ZFHX3: variants seen among roughly 807,000 people sequenced by gnomAD.
The protein encoded by ZFHX3 is zinc finger homeobox protein 3.
Under a neutral mutation model 279.1 loss-of-function variants are expected in ZFHX3, and 42 were observed. The observed-to-expected ratio is 0.15, with a 90% CI of 0.12 to 0.19. ZFHX3 has a LOEUF of 0.19. Ranked by LOEUF, ZFHX3 falls within the 10% of genes least tolerant of loss-of-function variation. ZFHX3 has a pLI of 1.00. For missense variants in ZFHX3, 4,981 were observed against 4,754.0 expected (o/e 1.05, Z -1.40); for synonymous variants, 2,293 against 1,957.8 (o/e 1.17, Z -4.52).
At chr16:73,803,380 G>A (rs539495198) in intron 1 of ZFHX3, among the ~76,000 whole-genome samples, 158 of 152,258 alleles carry the variant, frequency 1.0e-3, no homozygotes, top group Non-Finnish European at 1.2e-3. Flanking sequence ...AATAGCTAGC[G>A]CTGGGGATAA....
intron 1 of ZFHX3, among the ~76,000 whole-genome samples, chr16:73,885,416 G>C (rs56231765): frequency 6.6e-6 from 1 of 152,164 alleles, no homozygotes; most frequent in Non-Finnish European, 1.5e-5. Flanking sequence ...GGATGGCTGA[G>C]CTTATCCCAG....
intron 3 of ZFHX3, among the ~76,000 whole-genome samples, chr16:72,933,813 C>CT (rs71391468): frequency 0.09 from 10,078 of 111,620 alleles, 1,065 homozygotes; most frequent in Non-Finnish European, 0.14. Context: ...TCACAACTTT[C>CT]TTTTTTTTTT....
At chr16:73,835,101 C>A (rs1033515681) in intron 1 of ZFHX3, among the ~76,000 whole-genome samples, 1 of 152,084 alleles carries the variant, frequency 6.6e-6, no homozygotes, top group Non-Finnish European at 1.5e-5. Flanking sequence ...CCCCAGCTAC[C>A]AAAAACAAAG....
At chr16:73,784,804 T>TACACACACAC (rs1567409719) in intron 1 of ZFHX3, among the ~76,000 whole-genome samples, 8 of 125,528 alleles carry the variant, frequency 6.4e-5, no homozygotes, top group African/African-American at 2.1e-4. Context: ...AAAATATATA[T>TACACACACAC]ATATATATAT....
exon 8 of ZFHX3, chr16:73,093,408 T>G: frequency 2.2e-6 from 1 of 459,580 alleles, no homozygotes; most frequent in Non-Finnish European, 4.4e-6. Flanking sequence ...GAACCACAGC[T>G]GATCACTTTG....
chr16:73,837,499 A>G (rs1961173722), intron 1 of ZFHX3, among the ~76,000 whole-genome samples: 1 of 152,220 alleles, frequency 6.6e-6, no homozygotes, highest in South Asian at 2.1e-4. Flanking sequence ...GCCTTTTCAA[A>G]CCTATTCAAC....
chr16:73,415,706 C>T (rs1043352382), intron 3 of ZFHX3, among the ~76,000 whole-genome samples: 4 of 152,308 alleles, frequency 2.6e-5, no homozygotes, highest in Non-Finnish European at 5.9e-5. Context: ...GCCCCATGTT[C>T]GTTCATCTCA....
chr16:72,788,576 C>T lies in ZFHX3; in HGVS notation c.9700G>A (p.Asp3234Asn), dbSNP rs2035560099. ...TCCTTTACTTTCTCACTGTCTTTGT[C>T]CTTGCGTTGCTGCTGCTGTTGCAGT... ...LPLQQQQQRKDKDSEKVKEKE... is the reference protein window; with the variant it reads ...LPLQQQQQRKNKDSEKVKEKE... Residue 3234 changes from aspartate to asparagine, a missense_variant, in exon 10 of 10, where the codon GAC becomes AAC. Around this residue, in one of 7 missense-constraint regions of ZFHX3, gnomAD observed 1,034 missense variants for 786.0 expected, o/e 1.32. Transcript: ENST00000268489. The T allele has an allele frequency of 6.2e-7, 1 of 1,613,984 alleles. No homozygotes were observed. The highest frequency in any genetic ancestry group is 8.5e-7 in the Non-Finnish European group (1 of 1,180,000).
chr16:72,844,318 A>C (rs1252971868), intron 4 of ZFHX3, among the ~76,000 whole-genome samples: 1 of 152,138 alleles, frequency 6.6e-6, no homozygotes, highest in African/African-American at 2.4e-5. Flanking sequence ...CCTCGCTCCA[A>C]ATAATCTAAA....
At chr16:73,846,058 C>G (rs909889701) in intron 1 of ZFHX3, among the ~76,000 whole-genome samples, 1 of 152,142 alleles carries the variant, frequency 6.6e-6, no homozygotes, top group Admixed American at 6.5e-5. Context: ...ATAGGCCTCC[C>G]AAGTGCTGGG....
At chr16:73,202,069 C>T (rs1348401016) in intron 5 of ZFHX3, among the ~76,000 whole-genome samples, 6 of 152,120 alleles carry the variant, frequency 3.9e-5, no homozygotes, top group African/African-American at 7.2e-5. Context: ...GACTCACAAT[C>T]ATTTTCTTAA....
chr16:73,594,958 C>T (rs937832551), intron 2 of ZFHX3, among the ~76,000 whole-genome samples: 4 of 152,074 alleles, frequency 2.6e-5, no homozygotes, highest in Non-Finnish European at 5.9e-5. Context: ...AGGTATGGCC[C>T]CACAATTCCA....
chr16:72,948,614 C>A (rs190863644), intron 3 of ZFHX3, among the ~76,000 whole-genome samples: 84 of 152,206 alleles, frequency 5.5e-4, no homozygotes, highest in African/African-American at 1.9e-3. Flanking sequence ...TCCAGCCGCA[C>A]GGAGGATGCA....
chr16:73,870,746 G>A (rs531437514), intron 1 of ZFHX3, among the ~76,000 whole-genome samples: 7 of 152,128 alleles, frequency 4.6e-5, no homozygotes, highest in Non-Finnish European at 8.8e-5. Context: ...TGTGGGGCCC[G>A]GCGGGCAGCA....
chr16:73,025,620 C>A (rs550797138), intron 1 of ZFHX3, among the ~76,000 whole-genome samples: 1 of 152,260 alleles, frequency 6.6e-6, no homozygotes, highest in Admixed American at 6.5e-5. Context: ...CTCCTTATCC[C>A]TCCCCCAGGC....
intron 1 of ZFHX3, among the ~76,000 whole-genome samples, chr16:73,686,734 T>C (rs1419596121): frequency 1.3e-5 from 2 of 152,062 alleles, no homozygotes; most frequent in African/African-American, 2.4e-5. Flanking sequence ...CAGTCAGGCC[T>C]AGACTTGTGT....
intron 1 of ZFHX3, among the ~76,000 whole-genome samples, chr16:73,857,941 C>G (rs889356023): frequency 1.4e-4 from 21 of 151,870 alleles, no homozygotes; most frequent in African/African-American, 4.6e-4. Context: ...ACCGAAGATA[C>G]AAAAATTAGC....
chr16:73,651,570 G>T (rs1336563450), intron 2 of ZFHX3, among the ~76,000 whole-genome samples: 1 of 151,294 alleles, frequency 6.6e-6, no homozygotes, highest in Admixed American at 6.6e-5. Flanking sequence ...GGGCACGGTG[G>T]CTCACGCCTG....
chr16:73,635,163 CAA>C (rs922946110), intron 2 of ZFHX3, among the ~76,000 whole-genome samples: 1 of 152,056 alleles, frequency 6.6e-6, no homozygotes, highest in Non-Finnish European at 1.5e-5. Flanking sequence ...GTAATCTTGT[CAA>C]AGTTTCTTCA....
Sources: allele counts gnomAD v4.1 joint callset (sites outside exome capture counted in the v4.1 genomes callset), GRCh38; gene constraint gnomAD v4.1.1; regional missense constraint gnomAD v4.1.1; transcripts MANE v1.5; gene names NCBI Gene and HGNC (gene_info 2026-07-23, HGNC 2026-07-21).